The following COL5A2 variants were observed in gnomAD, a reference collection of about 807,000 sequenced individuals.
The protein encoded by COL5A2 is collagen alpha-2(V) chain.
In COL5A2, 23 loss-of-function variants were observed where a neutral mutation model predicts 208.2. That is an observed-to-expected ratio of 0.11 (90% CI 0.08 to 0.16). The LOEUF (loss-of-function observed/expected upper bound fraction) is 0.16. Among genes scored for constraint, COL5A2 ranks in the 10% least tolerant of loss-of-function variants. COL5A2 has a pLI of 1.00. For synonymous variants in COL5A2, 625 were observed against 628.5 expected, an observed-to-expected ratio of 0.99 and a Z score of 0.08; for missense variants, 1,590 against 1,956.4, an observed-to-expected ratio of 0.81 and a Z score of 3.53.
the COL5A2 span, among the ~76,000 whole-genome samples, chr2:189,232,624 C>G: frequency 6.6e-6 from 1 of 151,728 alleles, no homozygotes; most frequent in East Asian, 1.9e-4. Flanking sequence ...TTATGTCCCC[C>G]GCAAATTCAC....
the COL5A2 span, among the ~76,000 whole-genome samples, chr2:189,391,958 C>T: frequency 1.3e-5 from 2 of 152,004 alleles, no homozygotes; most frequent in Non-Finnish European, 2.9e-5. Context: ...TATTAGGGAA[C>T]TAGTCTATAT....
At position 189,046,056 on chromosome 2, in the gene COL5A2, A is replaced by G. The variant is rs113220777; in HGVS notation, c.3202-149T>C. On this transcript the variant is annotated intron_variant, in intron 45 of 53. Coordinates refer to ENST00000374866, the MANE Select transcript of COL5A2 (RefSeq NM_000393.5). ...TTATTATTTTAACTATTTTACTTAT[A>G]TTTATTAATTAATAAATCAAATTGA... 6.2e-4 allele frequency: 292 copies of G among 473,646 alleles called. 7 individuals carry two copies. Among genetic ancestry groups the G allele is most frequent in the African/African-American group, 3.9e-3 (192 of 49,348 alleles). 29.3% of individuals were successfully genotyped at this position (473,646 alleles called of 1,614,324 possible).
At chr2:189,083,907 G>T in intron 12 of COL5A2, 77 bp downstream of exon 12, 1 of 1,039,196 alleles carries the variant, frequency 9.6e-7, no homozygotes, top group Non-Finnish European at 1.5e-6. Context: ...CCTGATACAT[G>T]TGCATACAGA....
At chr2:189,122,309 T>C (rs1054188886) in intron 1 of COL5A2, among the ~76,000 whole-genome samples, 9 of 152,258 alleles carry the variant, frequency 5.9e-5, no homozygotes, top group African/African-American at 2.2e-4. Context: ...AGTGGGTTCT[T>C]AAGCAGGCCT....
At chr2:189,241,584 G>A in the COL5A2 span, among the ~76,000 whole-genome samples, 13 of 152,158 alleles carry the variant, frequency 8.5e-5, no homozygotes, top group African/African-American at 3.1e-4. Context: ...TATTTGGGAG[G>A]CTGAAGTGGG....
rs1340706701 is a variant in COL5A2, at chr2:189,033,539, C to T, written c.*531G>A. 6.2e-6 allele frequency: 1 copy of T among 162,238 alleles called. No homozygotes were observed. Among genetic ancestry groups the T allele is most frequent in the Non-Finnish European group, 1.4e-5 (1 of 73,514 alleles). The allele number at this position is 162,238 out of a possible 1,614,324, so 10.0% of individuals were successfully genotyped here. On this transcript the variant is annotated 3_prime_UTR_variant, in exon 54 of 54. Coordinates refer to ENST00000374866, the MANE Select transcript of COL5A2 (RefSeq NM_000393.5). ...CTATTATAGTTACACAATATCAAGA[C>T]ATGCATGTAGGTCTCGATCACAAGT...
At chr2:189,321,506 G>T in the COL5A2 span, among the ~76,000 whole-genome samples, 1 of 152,092 alleles carries the variant, frequency 6.6e-6, no homozygotes, top group Admixed American at 6.5e-5. Flanking sequence ...AAATGGCAGG[G>T]GTTGCAATCC....
intron 1 of COL5A2, among the ~76,000 whole-genome samples, chr2:189,144,761 G>A (rs2105778170): frequency 6.6e-6 from 1 of 152,216 alleles, no homozygotes; most frequent in East Asian, 1.9e-4. Flanking sequence ...AACATCCTGA[G>A]CAGTAAGCAC....
chr2:189,235,885 T>C, the COL5A2 span, among the ~76,000 whole-genome samples: 4 of 151,554 alleles, frequency 2.6e-5, no homozygotes, highest in South Asian at 4.1e-4. Flanking sequence ...TAGTGTCTCA[T>C]TGTGCCCAAA....
At chr2:189,154,396 T>C (rs1434292672) in intron 1 of COL5A2, among the ~76,000 whole-genome samples, 1 of 152,212 alleles carries the variant, frequency 6.6e-6, no homozygotes, top group Non-Finnish European at 1.5e-5. Context: ...AGAATCATAA[T>C]TCATGACTCC....
At position 189,066,785 on chromosome 2, in the gene COL5A2, G is replaced by A. The variant is rs746439529; in HGVS notation, c.1402-3C>T. On this transcript the variant is annotated splice_polypyrimidine_tract_variant and splice_region_variant and intron_variant, in intron 21 of 53. Coordinates refer to ENST00000374866, the MANE Select transcript of COL5A2 (RefSeq NM_000393.5). ...AAACCTGGAACTCCTGGATCACCCTGAAAAAAATATATTGATATTTGTAAG... is the reference window on the plus strand; with the variant it reads ...AAACCTGGAACTCCTGGATCACCCTAAAAAAAATATATTGATATTTGTAAG... 5.0e-6 allele frequency: 8 copies of A among 1,610,864 alleles called. No individual in the cohort carries two copies. In the South Asian group the frequency reaches 6.6e-5, roughly 13 times the overall value.
At chr2:189,172,128 G>A (rs530024946) in intron 1 of COL5A2, among the ~76,000 whole-genome samples, 8 of 152,210 alleles carry the variant, frequency 5.3e-5, no homozygotes, top group Non-Finnish European at 1.0e-4. Flanking sequence ...ACAGAAAACT[G>A]CACTGCTCCT....
the COL5A2 span, chr2:189,311,440 G>A: frequency 8.8e-7 from 1 of 1,142,470 alleles, no homozygotes; most frequent in East Asian, 2.4e-5. Flanking sequence ...CCTCCAGCTT[G>A]ACCTCGATGT....
chr2:189,185,376 C>A (rs148254021), intron 1 of COL5A2, among the ~76,000 whole-genome samples: 12 of 152,006 alleles, frequency 7.9e-5, no homozygotes, highest in Non-Finnish European at 1.6e-4. Context: ...ACGTATTATG[C>A]GAAGGCAAAG....
At chr2:189,237,931 T>C in the COL5A2 span, among the ~76,000 whole-genome samples, 1 of 152,016 alleles carries the variant, frequency 6.6e-6, no homozygotes, top group Admixed American at 6.5e-5. Flanking sequence ...AGAACCATTT[T>C]ATAGCTTTTA....
chr2:189,279,864 C>T, the COL5A2 span, among the ~76,000 whole-genome samples: 3 of 152,140 alleles, frequency 2.0e-5, no homozygotes, highest in African/African-American at 7.2e-5. Flanking sequence ...AACTGAATAT[C>T]TGTGCCCCCT....
the COL5A2 span, among the ~76,000 whole-genome samples, chr2:189,242,016 C>T: frequency 6.6e-6 from 1 of 152,188 alleles, no homozygotes; most frequent in African/African-American, 2.4e-5. Context: ...CTGAAAAGTG[C>T]ATGCTTGAGC....
chr2:189,361,735 T>C, the COL5A2 span, among the ~76,000 whole-genome samples: 1 of 152,104 alleles, frequency 6.6e-6, no homozygotes, highest in Non-Finnish European at 1.5e-5. Flanking sequence ...TGATTTTCAG[T>C]AATACATTTT....
At position 189,166,770 on chromosome 2, in the gene COL5A2, T is replaced by C. The variant is rs539489997; in HGVS notation, c.97+12738A>G. Among the ~76,000 whole-genome samples the C allele has an allele frequency of 3.9e-5, 6 of 152,306 alleles. No individual in the cohort carries two copies. The East Asian group carries it at 1.2e-3, about 29-fold the overall frequency. On this transcript the variant is annotated intron_variant, in intron 1 of 53. Transcript: ENST00000374866. ...AGTTGATTCTCGTGGCGAGAAAATATTGAGAAAAAGATCTTAAAAGGCAAA... is the reference window on the plus strand; with the variant it reads ...AGTTGATTCTCGTGGCGAGAAAATACTGAGAAAAAGATCTTAAAAGGCAAA...
Sources: gnomAD v4.1 joint callset for allele counts (sites outside exome capture counted in the v4.1 genomes callset) on GRCh38, gnomAD v4.1.1 for gene constraint, MANE v1.5 for transcripts, NCBI Gene and HGNC (gene_info 2026-07-23, HGNC 2026-07-21) for gene names.